NR5A2: variants seen among roughly 807,000 people sequenced by gnomAD.
NR5A2 encodes CYP7A promoter-binding factor.
NR5A2 carries 26 observed loss-of-function variants against 62.7 expected under a neutral mutation model. The ratio of observed to expected loss-of-function variants is 0.41; its 90% CI spans 0.30 to 0.58. NR5A2 has a LOEUF of 0.58. NR5A2 is among the 20% of genes least tolerant of loss of function. NR5A2 has a pLI of 0.22. For missense variants in NR5A2, 541 were observed against 669.1 expected (o/e 0.81, Z 2.11); for synonymous variants, 246 against 241.7 (o/e 1.02, Z -0.16).
intron 7 of NR5A2, among the ~76,000 whole-genome samples, chr1:200,153,505 A>G (rs147583824): frequency 1.3e-5 from 2 of 152,288 alleles, no homozygotes; most frequent in Non-Finnish European, 2.9e-5. Flanking sequence ...TATGCACAGT[A>G]GGGGCTTTCC....
intron 6 of NR5A2, among the ~76,000 whole-genome samples, chr1:200,111,930 T>G (rs998921012): frequency 5.3e-5 from 8 of 152,194 alleles, no homozygotes; most frequent in Non-Finnish European, 8.8e-5. Flanking sequence ...AGTTACTTTT[T>G]GGGGGCTTTG....
chr1:200,115,879 A>G (rs1666195067), intron 6 of NR5A2, among the ~76,000 whole-genome samples: 1 of 151,850 alleles, frequency 6.6e-6, no homozygotes, highest in Non-Finnish European at 1.5e-5. Flanking sequence ...TGAGGAAAAC[A>G]CCATTGCTTA....
intron 5 of NR5A2, among the ~76,000 whole-genome samples, chr1:200,091,282 CATTT>C (rs1442671347): frequency 6.6e-6 from 1 of 152,088 alleles, no homozygotes; most frequent in Non-Finnish European, 1.5e-5. Flanking sequence ...AAGTTCTATT[CATTT>C]ATTAGCTCAC....
intron 7 of NR5A2, among the ~76,000 whole-genome samples, chr1:200,146,363 A>G (rs1238103512): frequency 1.3e-5 from 2 of 152,296 alleles, no homozygotes; most frequent in Non-Finnish European, 2.9e-5. Flanking sequence ...CTGTTGCTCT[A>G]CTTGTTTAGC....
chr1:200,085,874 T>C (rs1452097591), intron 5 of NR5A2, among the ~76,000 whole-genome samples: 4 of 152,198 alleles, frequency 2.6e-5, no homozygotes. Context: ...ACACAATTTA[T>C]CTTCAAACTA....
rs566744212 is a variant in NR5A2 at position 200,090,338 on chromosome 1, A to G, written c.1111-20864A>G. Among the ~76,000 whole-genome samples, 322 of 152,334 alleles carry G rather than the reference A, an allele frequency of 2.1e-3. 1 individual carries two copies. Among genetic ancestry groups the G allele is most frequent in the Middle Eastern group, 6.8e-3 (2 of 294 alleles). On this transcript the variant is annotated intron_variant, in intron 5 of 7. Coordinates refer to ENST00000367362, the MANE Select transcript of NR5A2 (RefSeq NM_205860.3). ...GAAAATGAGGACTATGGAGACCTTT[A>G]GTTTATATAATGTATTGGGAGTTAA... is the stretch of plus-strand genomic sequence containing the variant.
intron 1 of NR5A2, among the ~76,000 whole-genome samples, chr1:200,032,143 T>C (rs1272264222): frequency 6.6e-6 from 1 of 152,214 alleles, no homozygotes; most frequent in African/African-American, 2.4e-5. Flanking sequence ...TACCTTAGGA[T>C]AGAACTAGTT....
chr1:200,105,926 G>A (rs1558141989), intron 5 of NR5A2, among the ~76,000 whole-genome samples: 1 of 152,090 alleles, frequency 6.6e-6, no homozygotes, highest in Non-Finnish European at 1.5e-5. Flanking sequence ...CTGCAATAAG[G>A]AAAGTAAAAT....
At chr1:200,051,220 C>T (rs1194226719) in intron 5 of NR5A2, among the ~76,000 whole-genome samples, 2 of 152,056 alleles carry the variant, frequency 1.3e-5, no homozygotes, top group Non-Finnish European at 1.5e-5. Flanking sequence ...AAGACAGCCG[C>T]AGAGAATAAA....
chr1:200,174,403 G>A lies in NR5A2; in HGVS notation c.*193G>A. 1 of 480,190 alleles carries A rather than the reference G, an allele frequency of 2.1e-6. No homozygotes were observed. The highest frequency in any genetic ancestry group is 3.3e-6 in the Non-Finnish European group (1 of 298,640). The allele number at this position is 480,190 out of a possible 1,614,324, so 29.7% of individuals were successfully genotyped here. A position where few individuals can be genotyped will look rare whatever the true frequency, so the allele number is the denominator to read the frequency against. On this transcript the variant is annotated 3_prime_UTR_variant, in exon 8 of 8. Coordinates refer to ENST00000367362, the MANE Select transcript of NR5A2 (RefSeq NM_205860.3). The stretch of plus-strand genomic sequence containing the variant: ...AATAGCAAATAAATGATGTATCAGG[G>A]TATTTGTATTGCAAACTGTGAATCA...
intron 5 of NR5A2, among the ~76,000 whole-genome samples, chr1:200,074,777 C>CAAAA (rs1663949427): frequency 9.8e-6 from 1 of 101,908 alleles, no homozygotes; most frequent in Non-Finnish European, 1.9e-5. Context: ...ACACAAATCT[C>CAAAA]AAACACTTTA....
At chr1:200,068,606 T>C (rs1663606786) in intron 5 of NR5A2, among the ~76,000 whole-genome samples, 1 of 152,168 alleles carries the variant, frequency 6.6e-6, no homozygotes, top group Non-Finnish European at 1.5e-5. Context: ...AAGCGCTCAG[T>C]GAAAAAGACC....
At chr1:200,126,111 G>A (rs888851264) in intron 7 of NR5A2, among the ~76,000 whole-genome samples, 3 of 152,126 alleles carry the variant, frequency 2.0e-5, no homozygotes, top group Non-Finnish European at 4.4e-5. Flanking sequence ...GCCTCTCCAA[G>A]TGCTGGGATT....
chr1:200,070,830 T>G (rs1663709682), intron 5 of NR5A2, among the ~76,000 whole-genome samples: 1 of 150,538 alleles, frequency 6.6e-6, no homozygotes, highest in Non-Finnish European at 1.5e-5. Flanking sequence ...TGTGTCAATG[T>G]GCCACGCCTG....
At position 200,147,660 on chromosome 1, in the gene NR5A2, G is replaced by A. The variant is rs535028518; in HGVS notation, c.1379-26303G>A. 13 of 699,834 alleles carry A rather than the reference G, an allele frequency of 1.9e-5. No homozygotes were observed. The highest frequency in any genetic ancestry group is 1.3e-4 in the Admixed American group (7 of 55,570). The allele number at this position is 699,834 out of a possible 1,614,324, so 43.4% of individuals were successfully genotyped here. ...GGATCTTGTCGATTGAGTTGAAGTC[G>A]GACACGTGGAAGACATGGGTGGACT... On this transcript the variant is annotated intron_variant, in intron 7 of 7. Transcript: ENST00000367362. The surrounding 1 kb of genome is among the most constrained non-coding windows in gnomAD (Gnocchi z 4.9).
At chr1:200,148,151 C>T (rs1667805863) in intron 7 of NR5A2, 2 of 374,814 alleles carry the variant, frequency 5.3e-6, no homozygotes, top group South Asian at 1.7e-4. Context: ...AGGAGGTGTC[C>T]AAGAGGAAGA....
chr1:200,040,043 C>A (rs143234290), intron 2 of NR5A2, among the ~76,000 whole-genome samples: 347 of 152,308 alleles, frequency 2.3e-3, no homozygotes, highest in African/African-American at 8.0e-3. Flanking sequence ...AGGCTTCCAG[C>A]TCTATGGCAA....
At chr1:200,113,477 G>A (rs1318586926) in intron 6 of NR5A2, among the ~76,000 whole-genome samples, 1 of 152,200 alleles carries the variant, frequency 6.6e-6, no homozygotes, top group East Asian at 1.9e-4. Context: ...GCGTTTCATA[G>A]GATGGAAGCA....
intron 4 of NR5A2, among the ~76,000 whole-genome samples, chr1:200,046,896 A>G (rs1469372331): frequency 1.3e-5 from 2 of 152,336 alleles, no homozygotes; most frequent in East Asian, 1.9e-4. Flanking sequence ...AGCTTTCACA[A>G]TTGTAAATCA....
Sources: allele counts gnomAD v4.1 joint callset (sites outside exome capture counted in the v4.1 genomes callset), GRCh38; gene constraint gnomAD v4.1.1; non-coding constraint Gnocchi (gnomAD v3.1); transcripts MANE v1.5; gene names NCBI Gene and HGNC (gene_info 2026-07-23, HGNC 2026-07-21).